LYN: variants seen among roughly 807,000 people sequenced by gnomAD.
The protein encoded by LYN is tyrosine-protein kinase Lyn.
LYN carries 12 observed loss-of-function variants against 65.0 expected under a neutral mutation model. The ratio of observed to expected loss-of-function variants is 0.18; its 90% CI spans 0.12 to 0.30. The LOEUF is 0.30. LYN is among the 10% of genes least tolerant of loss of function. The pLI, the probability that LYN is intolerant of heterozygous loss-of-function variation, is 1.00. For missense variants in LYN, 380 were observed against 623.2 expected, an observed-to-expected ratio of 0.61 and a Z score of 4.16; for synonymous variants, 222 against 221.2, an observed-to-expected ratio of 1.00 and a Z score of -0.03.
At chr8:55,955,679 C>T (rs775911865) in intron 8 of LYN, among the ~76,000 whole-genome samples, 2 of 152,222 alleles carry the variant, frequency 1.3e-5, no homozygotes, top group Non-Finnish European at 2.9e-5. Flanking sequence ...AACAATCACT[C>T]TTCATTCGCC....
chr8:55,995,204 AG>A (rs1808344053), intron 10 of LYN, among the ~76,000 whole-genome samples: 1 of 152,170 alleles, frequency 6.6e-6, no homozygotes, highest in African/African-American at 2.4e-5. Flanking sequence ...TCTGGGCAGC[AG>A]AGGCTTCCTA....
At chr8:55,961,700 T>C (rs1807279855) in intron 8 of LYN, among the ~76,000 whole-genome samples, 1 of 152,230 alleles carries the variant, frequency 6.6e-6, no homozygotes, top group Non-Finnish European at 1.5e-5. Context: ...GTTTTTATGA[T>C]GGCAAAAGGG....
intron 10 of LYN, among the ~76,000 whole-genome samples, chr8:55,982,916 C>G (rs1807969020): frequency 6.6e-6 from 1 of 152,132 alleles, no homozygotes; most frequent in Non-Finnish European, 1.5e-5. Context: ...ACTTCCCGTC[C>G]CTTGAACCTG....
In LYN at chr8:56,010,037, C is replaced by T. The variant is rs2130604588; in HGVS notation, c.1466C>T (p.Thr489Met). ...CWKEKAEERPTFDYLQSVLDD... is the reference protein window; with the variant it reads ...CWKEKAEERPMFDYLQSVLDD... Reference sequence around the variant, plus strand: ...AAAGAAAAGGCAGAAGAGAGACCAACGTTTGACTACTTACAGAGCGTCCTG... The same window carrying T: ...AAAGAAAAGGCAGAAGAGAGACCAATGTTTGACTACTTACAGAGCGTCCTG... Residue 489 changes from threonine to methionine, a missense_variant, in exon 13 of 13, where the codon ACG (threonine) becomes ATG (methionine). Thr to Met is a moderately conservative substitution (Grantham distance 81, BLOSUM62 -1). This residue lies in a region of LYN where 223 missense variants were observed against 430.0 expected (regional missense o/e 0.52). Coordinates refer to ENST00000519728, the MANE Select transcript of LYN (RefSeq NM_002350.4). 2 of 1,614,150 alleles carry T rather than the reference C, an allele frequency of 1.2e-6. No individual in the cohort carries two copies. Among genetic ancestry groups the T allele is most frequent in the Non-Finnish European group, 1.7e-6 (2 of 1,180,018 alleles).
chr8:55,954,634 G>T (rs1807049573), intron 8 of LYN, among the ~76,000 whole-genome samples: 1 of 152,080 alleles, frequency 6.6e-6, no homozygotes, highest in South Asian at 2.1e-4. Context: ...ATCCTAGGAG[G>T]CTGAGAACAG....
At chr8:55,984,286 C>T (rs191039821) in intron 10 of LYN, among the ~76,000 whole-genome samples, 74 of 152,284 alleles carry the variant, frequency 4.9e-4, no homozygotes, top group African/African-American at 1.8e-3. Context: ...AGACTCCGGC[C>T]ACTCCGAAGC....
rs142611226 is a variant in LYN at position 55,985,974 on chromosome 8, C to T, written c.1051-12372C>T. ...TTGAACCCAGGAGTTCGAGACCCGC[C>T]TGGGCAATATAGTGAGACCTCATCT... On this transcript the variant is annotated intron_variant, in intron 10 of 12. Transcript: ENST00000519728. Among the ~76,000 whole-genome samples, 26 of 152,204 alleles carry T rather than the reference C, an allele frequency of 1.7e-4. No individual in the cohort carries two copies. In the East Asian group the frequency reaches 4.4e-3, roughly 26 times the overall value.
At chr8:55,990,748 A>G (rs749526062) in intron 10 of LYN, among the ~76,000 whole-genome samples, 2 of 152,226 alleles carry the variant, frequency 1.3e-5, no homozygotes, top group African/African-American at 2.4e-5. Context: ...GGAGAAGGGC[A>G]TAATGAGTCA....
intron 6 of LYN, 88 bp from the exon 7 acceptor site, chr8:55,951,878 T>C (rs1806960547): frequency 9.9e-7 from 1 of 1,013,280 alleles, no homozygotes; most frequent in Admixed American, 2.6e-5. Flanking sequence ...TTTGCATATT[T>C]GTATCACAAA....
chr8:55,891,342 A>G (rs1804958063), intron 1 of LYN, among the ~76,000 whole-genome samples: 1 of 151,588 alleles, frequency 6.6e-6, no homozygotes. Context: ...ACAAGAGCGA[A>G]ACTCCGGCTC....
At chr8:55,904,642 C>T (rs995495431) in intron 1 of LYN, among the ~76,000 whole-genome samples, 1 of 152,030 alleles carries the variant, frequency 6.6e-6, no homozygotes, top group Middle Eastern at 3.4e-3. Flanking sequence ...CCCAGCTACT[C>T]GGGAGGCTGA....
chr8:55,993,061 TA>T (rs1808291143), intron 10 of LYN, among the ~76,000 whole-genome samples: 2 of 152,182 alleles, frequency 1.3e-5, no homozygotes, highest in Admixed American at 1.3e-4. Context: ...ATAAAAATCT[TA>T]GATATTACAA....
chr8:55,941,229 TA>T (rs1365165773), intron 1 of LYN, among the ~76,000 whole-genome samples: 1 of 152,030 alleles, frequency 6.6e-6, no homozygotes, highest in African/African-American at 2.4e-5. Flanking sequence ...GTCTTCAGGG[TA>T]AAAAATCAAC....
chr8:55,879,880 G>A lies in LYN; in HGVS notation c.-229G>A, dbSNP rs1804593625. The A allele has an allele frequency of 5.3e-6, 1 of 189,466 alleles. No homozygotes were observed. Among genetic ancestry groups the A allele is most frequent in the Middle Eastern group, 5.8e-4 (1 of 1,710 alleles). 11.7% of individuals were successfully genotyped at this position (189,466 alleles called of 1,614,324 possible). Reference sequence around the variant, plus strand: ...GGGCCGCGCTGCCGCTCGCTCCCCGGCCGTGGCGCCTCCGGGCCAGACGCG... The same window carrying A: ...GGGCCGCGCTGCCGCTCGCTCCCCGACCGTGGCGCCTCCGGGCCAGACGCG... On this transcript the variant is annotated 5_prime_UTR_variant, in exon 1 of 13. Transcript: ENST00000519728.
chr8:55,881,697 T>C (rs1471196905), intron 1 of LYN, among the ~76,000 whole-genome samples: 2 of 152,222 alleles, frequency 1.3e-5, no homozygotes, highest in African/African-American at 4.8e-5. Flanking sequence ...CATCATTTAA[T>C]ATGCTGTGAT....
chr8:55,994,588 G>C (rs904760014), intron 10 of LYN, among the ~76,000 whole-genome samples: 3 of 152,148 alleles, frequency 2.0e-5, no homozygotes, highest in Non-Finnish European at 4.4e-5. Context: ...GGGAGGCTGG[G>C]TCCCTGCCAT....
chr8:55,961,174 T>C (rs1585641761), intron 8 of LYN, among the ~76,000 whole-genome samples: 1 of 152,232 alleles, frequency 6.6e-6, no homozygotes, highest in Non-Finnish European at 1.5e-5. Context: ...CTCCCTTTTG[T>C]GGTACGTGGG....
At chr8:56,000,973 C>T (rs1236240251) in intron 12 of LYN, among the ~76,000 whole-genome samples, 1 of 152,112 alleles carries the variant, frequency 6.6e-6, no homozygotes, top group Non-Finnish European at 1.5e-5. Flanking sequence ...TGATGTTTAT[C>T]AAACACACAG....
At chr8:55,944,979 T>TCA (rs1585625505) in intron 2 of LYN, among the ~76,000 whole-genome samples, 1 of 152,204 alleles carries the variant, frequency 6.6e-6, no homozygotes, top group African/African-American at 2.4e-5. Flanking sequence ...CCTTCTGTGG[T>TCA]CACAGATGCC....
Sources: gnomAD v4.1 joint callset for allele counts (sites outside exome capture counted in the v4.1 genomes callset) on GRCh38, gnomAD v4.1.1 for gene constraint, gnomAD v4.1.1 regional missense constraint, MANE v1.5 for transcripts, NCBI Gene and HGNC (gene_info 2026-07-23, HGNC 2026-07-21) for gene names.